The following LMX1B variants were observed in gnomAD, a reference collection of about 807,000 sequenced individuals.
The protein encoded by LMX1B is LIM homeobox transcription factor 1 beta, also known as LIM homeobox transcription factor 1-beta.
LMX1B carries 12 observed loss-of-function variants against 51.4 expected under a neutral mutation model. The observed-to-expected ratio is 0.23, with a 90% confidence interval of 0.15 to 0.38. The LOEUF (loss-of-function observed/expected upper bound fraction) is 0.38. Ranked by LOEUF, LMX1B falls within the 10% of genes least tolerant of loss-of-function variation. LMX1B has a pLI of 1.00. For synonymous variants in LMX1B, 237 were observed against 235.4 expected (o/e 1.01, Z -0.06); for missense variants, 445 against 571.1 (o/e 0.78, Z 2.25).
intron 2 of LMX1B, among the ~76,000 whole-genome samples, chr9:126,636,849 G>A (rs937515475): frequency 6.6e-6 from 1 of 152,188 alleles, no homozygotes; most frequent in Non-Finnish European, 1.5e-5. Flanking sequence ...CCAGGCGTCC[G>A]TGGCTGTGTG....
intron 2 of LMX1B, among the ~76,000 whole-genome samples, chr9:126,685,394 C>G (rs1003978540): frequency 1.3e-5 from 2 of 152,112 alleles, no homozygotes; most frequent in Non-Finnish European, 2.9e-5. Flanking sequence ...TTGGGGTACT[C>G]TTGGACGTTC....
Position 126,695,856 on chromosome 9 carries a change from A to C in LMX1B, c.904A>C (p.Met302Leu), listed in dbSNP as rs1782032990. 3 of 1,612,966 alleles carry C rather than the reference A, an allele frequency of 1.9e-6. No individual in the cohort carries two copies. The highest frequency in any genetic ancestry group is 2.5e-6 in the Non-Finnish European group (3 of 1,179,666). Residue 302 changes from methionine to leucine, a missense_variant, in exon 7 of 8, where the codon ATG becomes CTG. Met to Leu is a conservative substitution (Grantham distance 15). This residue lies in a region of LMX1B where 162 missense variants were observed against 187.8 expected (regional missense o/e 0.86). Transcript: ENST00000373474. The surrounding 1 kb of genome is among the most constrained non-coding windows in gnomAD (Gnocchi z 5.2). Reference protein sequence around the residue: ...RLGQEVLSSRMEGMMASYTPL... With the variant: ...RLGQEVLSSRLEGMMASYTPL... Reference sequence around the variant, plus strand: ...GCCCCCAGAGGTCCTGTCCAGCCGCATGGAGGGCATGATGGCTTCCTACAC... The same window carrying C: ...GCCCCCAGAGGTCCTGTCCAGCCGCCTGGAGGGCATGATGGCTTCCTACAC...
rs1181661537 is a variant in LMX1B at position 126,618,179 on chromosome 9, C to T, written c.326+2610C>T. Reference sequence around the variant, plus strand: ...TGATATTGTCGAGTCTGTGCGTCAGCGGTATTGAGAAATTAACAATCCCCC... The same window carrying T: ...TGATATTGTCGAGTCTGTGCGTCAGTGGTATTGAGAAATTAACAATCCCCC... On this transcript the variant is annotated intron_variant, in intron 2 of 7. Coordinates refer to ENST00000373474, the MANE Select transcript of LMX1B (RefSeq NM_001174147.2). The surrounding 1 kb of genome is among the most constrained non-coding windows in gnomAD (Gnocchi z 4.5). Among the ~76,000 whole-genome samples the T allele has an allele frequency of 6.6e-6, 1 of 152,092 alleles. No individual in the cohort carries two copies. Among genetic ancestry groups the T allele is most frequent in the Admixed American group, 6.5e-5 (1 of 15,278 alleles).
intron 2 of LMX1B, among the ~76,000 whole-genome samples, chr9:126,665,706 G>A (rs755375411): frequency 3.3e-5 from 5 of 152,212 alleles, no homozygotes; most frequent in Non-Finnish European, 7.3e-5. Context: ...TTCACCAGCC[G>A]TGGAGAATCG....
chr9:126,619,446 C>G (rs1362135725), intron 2 of LMX1B, among the ~76,000 whole-genome samples: 1 of 152,180 alleles, frequency 6.6e-6, no homozygotes, highest in Non-Finnish European at 1.5e-5. Context: ...AGTGTGTACC[C>G]CAACCAGCGA....
At position 126,625,790 on chromosome 9, in the gene LMX1B, G is replaced by A. The variant is rs1055085633; in HGVS notation, c.326+10221G>A. Among the ~76,000 whole-genome samples the A allele has an allele frequency of 9.9e-5, 15 of 152,196 alleles. No homozygotes were observed. The highest frequency in any genetic ancestry group is 1.6e-4 in the Non-Finnish European group (11 of 68,028). On this transcript the variant is annotated intron_variant, in intron 2 of 7. Transcript: ENST00000373474. The surrounding 1 kb of genome is among the most constrained non-coding windows in gnomAD (Gnocchi z 5.3). Reference sequence around the variant, plus strand: ...CCGCAGAGACCCAGCCCTGTCTGCCGACTGGCCCTTCGACGTCGCCGCCGT... The same window carrying A: ...CCGCAGAGACCCAGCCCTGTCTGCCAACTGGCCCTTCGACGTCGCCGCCGT...
chr9:126,618,560 C>T lies in LMX1B; in HGVS notation c.326+2991C>T, dbSNP rs1835346661. On this transcript the variant is annotated intron_variant, in intron 2 of 7. Transcript: ENST00000373474. This position sits in a 1 kb window ranked among gnomAD's most constrained non-coding sequence, Gnocchi z 4.5. Reference sequence around the variant, plus strand: ...AAAAAGAAAAAGCAGCCTTTTCGGACAGAAAACCAGTTAGGAAACGGAGAG... The same window carrying T: ...AAAAAGAAAAAGCAGCCTTTTCGGATAGAAAACCAGTTAGGAAACGGAGAG... Among the ~76,000 whole-genome samples, 1 of 152,164 alleles carries T rather than the reference C, an allele frequency of 6.6e-6. No individual in the cohort carries two copies. The highest frequency in any genetic ancestry group is 2.4e-5 in the African/African-American group (1 of 41,432).
chr9:126,638,690 C>G (rs1835757675), intron 2 of LMX1B, among the ~76,000 whole-genome samples: 1 of 152,142 alleles, frequency 6.6e-6, no homozygotes, highest in Non-Finnish European at 1.5e-5. Context: ...GGCGCAGCGG[C>G]GGCTCGGAGC....
At chr9:126,655,860 G>A (rs186902574) in intron 2 of LMX1B, among the ~76,000 whole-genome samples, 10 of 152,246 alleles carry the variant, frequency 6.6e-5, no homozygotes, top group Admixed American at 4.6e-4. Flanking sequence ...TCACAGCTGC[G>A]CCATGGATGT....
At chr9:126,624,101 C>T (rs1835473763) in intron 2 of LMX1B, among the ~76,000 whole-genome samples, 1 of 152,238 alleles carries the variant, frequency 6.6e-6, no homozygotes, top group Non-Finnish European at 1.5e-5. Context: ...CTTTCTAAAG[C>T]GCAGCCCTTT....
intron 2 of LMX1B, among the ~76,000 whole-genome samples, chr9:126,649,201 T>A (rs1395043179): frequency 1.3e-5 from 2 of 151,452 alleles, no homozygotes; most frequent in African/African-American, 4.9e-5. Context: ...CCATCCCTCC[T>A]CTGAACAACT....
chr9:126,687,227 T>A (rs183275482), intron 2 of LMX1B, among the ~76,000 whole-genome samples: 2 of 151,776 alleles, frequency 1.3e-5, no homozygotes, highest in East Asian at 1.9e-4. Context: ...CTTTTTTTTT[T>A]TATTTTTTAT....
At chr9:126,655,028 AAGT>A (rs1836086569) in intron 2 of LMX1B, among the ~76,000 whole-genome samples, 5 of 152,296 alleles carry the variant, frequency 3.3e-5, no homozygotes, top group Admixed American at 2.6e-4. Context: ...GACCTGGGGC[AAGT>A]CCCTTTACCC....
chr9:126,692,110 G>A (rs1278518117), intron 3 of LMX1B, among the ~76,000 whole-genome samples: 2 of 152,224 alleles, frequency 1.3e-5, no homozygotes, highest in Non-Finnish European at 2.9e-5. Flanking sequence ...TGCCACATGG[G>A]AAGGGTTTTC....
chr9:126,669,228 C>G (rs1836402524), intron 2 of LMX1B, among the ~76,000 whole-genome samples: 1 of 131,962 alleles, frequency 7.6e-6, no homozygotes, highest in Non-Finnish European at 1.6e-5. Flanking sequence ...GAGGCTGAAA[C>G]AAGGCCTGGC....
rs552324091 is a variant in LMX1B, at chr9:126,643,125, G to A, written c.326+27556G>A. ...TAAGATCTTCACAGCTTGTTATCCC[G>A]GGTCAGGCTGACTTGTGTGCACAGC... On this transcript the variant is annotated intron_variant, in intron 2 of 7. Transcript: ENST00000373474. Among the ~76,000 whole-genome samples the A allele has an allele frequency of 1.1e-3, 164 of 152,268 alleles. 2 individuals carry two copies. Among genetic ancestry groups the A allele is most frequent in the Non-Finnish European group, 1.9e-3 (129 of 68,020 alleles).
In LMX1B at chr9:126,618,792, G is replaced by C. The variant is rs963244108; in HGVS notation, c.326+3223G>C. On this transcript the variant is annotated intron_variant, in intron 2 of 7. Transcript: ENST00000373474. This position sits in a 1 kb window ranked among gnomAD's most constrained non-coding sequence, Gnocchi z 4.5. ...TGGAGAATTCCTGGAGGAGGCTCCG[G>C]AAGGGGGGAGGGTCGGTGGGAGAGT... 1.3e-5 allele frequency among the ~76,000 whole-genome samples: 2 copies of C among 152,208 alleles called. No individual in the cohort carries two copies. The highest frequency in any genetic ancestry group is 2.9e-5 in the Non-Finnish European group (2 of 68,034).
At position 126,700,157 on chromosome 9, in the gene LMX1B, G is replaced by A. The variant is rs1290191589; in HGVS notation, c.*3706G>A. 2 of 152,256 alleles carry A rather than the reference G, an allele frequency of 1.3e-5. No homozygotes were observed. Among genetic ancestry groups the A allele is most frequent in the Admixed American group, 1.3e-4 (2 of 15,280 alleles). 9.4% of individuals were successfully genotyped at this position (152,256 alleles called of 1,614,324 possible). A position where few individuals can be genotyped will look rare whatever the true frequency, so the allele number is the denominator to read the frequency against. The stretch of plus-strand genomic sequence containing the variant: ...AGCCTCCCAGGTACTCTGCTATCCT[G>A]GGAAACGCACAGGGAGGCCACACAG... On this transcript the variant is annotated 3_prime_UTR_variant, in exon 8 of 8. Coordinates refer to ENST00000373474, the MANE Select transcript of LMX1B (RefSeq NM_001174147.2).
intron 2 of LMX1B, among the ~76,000 whole-genome samples, chr9:126,643,307 C>G (rs1008981317): frequency 6.6e-6 from 1 of 152,186 alleles, no homozygotes; most frequent in Non-Finnish European, 1.5e-5. Context: ...GGAGCGCCAA[C>G]TCTCTTTGAG....
Sources: gnomAD v4.1 joint callset for allele counts (sites outside exome capture counted in the v4.1 genomes callset) on GRCh38, gnomAD v4.1.1 for gene constraint, gnomAD v4.1.1 regional missense constraint, Gnocchi (gnomAD v3.1) non-coding constraint, MANE v1.5 for transcripts, NCBI Gene and HGNC (gene_info 2026-07-23, HGNC 2026-07-21) for gene names.